The following ULK4 variants were observed in gnomAD, a reference collection of about 807,000 sequenced individuals.
ULK4 encodes inactive serine/threonine-protein kinase ULK4.
A neutral mutation model predicts 160.6 loss-of-function variants in ULK4; 133 were observed. The ratio of observed to expected loss-of-function variants is 0.83; its 90% confidence interval spans 0.72 to 0.96. The LOEUF (loss-of-function observed/expected upper bound fraction) is 0.96, where lower values mean the gene tolerates loss of function less well. Among genes scored for constraint, ULK4 ranks in the 40% least tolerant of loss-of-function variants. The pLI is 0.00. For missense variants in ULK4, 1,580 were observed against 1,499.5 expected (o/e 1.05, Z -0.89); for synonymous variants, 534 against 539.8 (o/e 0.99, Z 0.15).
chr3:41,954,693 G>A lies in ULK4; in HGVS notation c.67C>T (p.Arg23Trp), dbSNP rs564616197. ...GSKTVVYKGRRKGTINFVAIL... is the reference protein window; with the variant it reads ...GSKTVVYKGRWKGTINFVAIL... The stretch of plus-strand genomic sequence containing the variant: ...GCTACAAAATTGATTGTTCCCTTCC[G>A]TCGCCCTTTATAGACAACAGTCTTG... The change falls in exon 2 of 37, where the codon CGG becomes TGG. Residue 23 changes from arginine (R) to tryptophan (W), a missense_variant. Transcript: ENST00000301831. 15 of 1,613,722 alleles carry A rather than the reference G, an allele frequency of 9.3e-6. No homozygotes were observed. Among genetic ancestry groups the A allele is most frequent in the African/African-American group, 2.7e-5 (2 of 74,946 alleles).
At chr3:41,824,630 C>T (rs1439137879) in intron 18 of ULK4, among the ~76,000 whole-genome samples, 1 of 152,186 alleles carries the variant, frequency 6.6e-6, no homozygotes, top group Non-Finnish European at 1.5e-5. Flanking sequence ...GGGTGCCTAC[C>T]ATTGCCGAGG....
intron 32 of ULK4, among the ~76,000 whole-genome samples, chr3:41,466,378 C>T (rs1199123156): frequency 6.6e-6 from 1 of 152,096 alleles, no homozygotes; most frequent in African/African-American, 2.4e-5. Context: ...ACTCCAGAAA[C>T]AGACCCACAA....
intron 35 of ULK4, among the ~76,000 whole-genome samples, chr3:41,333,790 C>G (rs1554652): frequency 0.16 from 24,351 of 151,930 alleles, 2,410 homozygotes; most frequent in African/African-American, 0.27. Context: ...ATCAGAATCG[C>G]GGGGAACATT....
chr3:41,258,955 T>C (rs2078890107), intron 35 of ULK4, among the ~76,000 whole-genome samples: 1 of 149,374 alleles, frequency 6.7e-6, no homozygotes, highest in Admixed American at 6.7e-5. Flanking sequence ...GTTGAATATA[T>C]ATATATACAT....
chr3:41,367,659 T>C (rs141220383), intron 35 of ULK4, among the ~76,000 whole-genome samples: 75 of 152,254 alleles, frequency 4.9e-4, no homozygotes, highest in African/African-American at 1.7e-3. Flanking sequence ...CTCAAAACAG[T>C]TGTCTTCTAG....
chr3:41,932,347 C>G (rs1338055795), intron 4 of ULK4, among the ~76,000 whole-genome samples: 1 of 152,054 alleles, frequency 6.6e-6, no homozygotes, highest in Non-Finnish European at 1.5e-5. Context: ...ATTTGAAAAC[C>G]CAACTGCCTG....
intron 22 of ULK4, among the ~76,000 whole-genome samples, chr3:41,734,764 A>C (rs1468076587): frequency 6.6e-6 from 1 of 152,206 alleles, no homozygotes; most frequent in Non-Finnish European, 1.5e-5. Flanking sequence ...ACATAGTCCC[A>C]CTGGAAAGTC....
At chr3:41,941,921 A>C (rs1393738079) in intron 2 of ULK4, among the ~76,000 whole-genome samples, 2 of 152,012 alleles carry the variant, frequency 1.3e-5, no homozygotes, top group East Asian at 3.9e-4. Flanking sequence ...ATTCCAACAG[A>C]ATCACCAACA....
At chr3:41,898,892 T>C (rs181491250) in intron 13 of ULK4, among the ~76,000 whole-genome samples, 48 of 152,334 alleles carry the variant, frequency 3.2e-4, no homozygotes, top group Admixed American at 7.2e-4. Context: ...AGAGCTGACA[T>C]CCTAGTTGGG....
chr3:41,428,419 T>A (rs1213138870), intron 34 of ULK4, among the ~76,000 whole-genome samples: 1 of 152,054 alleles, frequency 6.6e-6, no homozygotes, highest in Non-Finnish European at 1.5e-5. Context: ...AAAAACTACT[T>A]TAAAAAATCA....
chr3:41,377,389 A>C (rs1283858210), intron 35 of ULK4, among the ~76,000 whole-genome samples: 3 of 151,274 alleles, frequency 2.0e-5, no homozygotes, highest in Non-Finnish European at 4.4e-5. Context: ...TAATTAAACT[A>C]AAGAGCTTCT....
chr3:41,385,242 A>G (rs919543492), intron 35 of ULK4, among the ~76,000 whole-genome samples: 16 of 152,134 alleles, frequency 1.1e-4, no homozygotes, highest in African/African-American at 3.9e-4. Context: ...TGCCCGTCCT[A>G]TGATTCTTTC....
intron 35 of ULK4, among the ~76,000 whole-genome samples, chr3:41,254,397 G>T (rs984809590): frequency 6.6e-6 from 1 of 152,184 alleles, no homozygotes; most frequent in Non-Finnish European, 1.5e-5. Flanking sequence ...TAATCCAAGG[G>T]TTAAAGAGGA....
intron 21 of ULK4, among the ~76,000 whole-genome samples, chr3:41,765,770 T>C (rs7629448): frequency 0.17 from 25,901 of 152,130 alleles, 5,646 homozygotes; most frequent in African/African-American, 0.51. Flanking sequence ...AAAATGAATA[T>C]ATTATCTTGG....
At chr3:41,428,653 A>G (rs2082832116) in intron 34 of ULK4, among the ~76,000 whole-genome samples, 1 of 152,218 alleles carries the variant, frequency 6.6e-6, no homozygotes, top group Non-Finnish European at 1.5e-5. Flanking sequence ...AAACCTGACA[A>G]AAACAAGCAA....
intron 35 of ULK4, among the ~76,000 whole-genome samples, chr3:41,350,962 G>A (rs1279548724): frequency 6.6e-6 from 1 of 152,152 alleles, no homozygotes; most frequent in Non-Finnish European, 1.5e-5. Flanking sequence ...AGGGACTACA[G>A]GACCTTGTAA....
chr3:41,872,647 C>CATTATTATT (rs150798726), intron 17 of ULK4, among the ~76,000 whole-genome samples: 22 of 151,296 alleles, frequency 1.5e-4, no homozygotes, highest in African/African-American at 2.7e-4. Flanking sequence ...CATCCAGATG[C>CATTATTATT]ATTATTATTA....
chr3:41,741,690 T>C (rs1300360222), intron 22 of ULK4, among the ~76,000 whole-genome samples: 1 of 151,942 alleles, frequency 6.6e-6, no homozygotes, highest in Non-Finnish European at 1.5e-5. Context: ...GCAACTCACA[T>C]TTCCTCAAGC....
intron 36 of ULK4, among the ~76,000 whole-genome samples, chr3:41,248,903 A>C (rs2125665351): frequency 6.6e-6 from 1 of 152,326 alleles, no homozygotes; most frequent in East Asian, 1.9e-4. Flanking sequence ...TTCTAGACAC[A>C]CTGACTGTAC....
Sources: allele counts gnomAD v4.1 joint callset (sites outside exome capture counted in the v4.1 genomes callset), GRCh38; gene constraint gnomAD v4.1.1; transcripts MANE v1.5; gene names NCBI Gene and HGNC (gene_info 2026-07-23, HGNC 2026-07-21).